POLM: variants seen among roughly 807,000 people sequenced by gnomAD.
POLM encodes the protein DNA-directed DNA/RNA polymerase mu.
A neutral mutation model predicts 56.7 loss-of-function variants in POLM; 52 were observed. The ratio of observed to expected loss-of-function variants is 0.92; its 90% CI spans 0.73 to 1.15. The LOEUF (loss-of-function observed/expected upper bound fraction) is 1.15. Ranked by LOEUF, POLM falls within the 50% of genes most tolerant of loss-of-function variation. The pLI, the probability that POLM is intolerant of heterozygous loss-of-function variation, is 0.00. For synonymous variants in POLM, 273 were observed against 274.3 expected (o/e 1.00, Z 0.05); for missense variants, 660 against 663.6 (o/e 0.99, Z 0.06).
rs1177880168 is a variant in POLM at position 44,080,756 on chromosome 7, C to T, written c.349G>A (p.Val117Met). The T allele has an allele frequency of 6.2e-7, 1 of 1,614,146 alleles. No individual in the cohort carries two copies. The highest frequency in any genetic ancestry group is 8.5e-7 in the Non-Finnish European group (1 of 1,180,020). Residue 117 changes from valine to methionine, a missense_variant, in exon 2 of 11, where the codon GTG becomes ATG. Val to Met is a conservative substitution (Grantham distance 21, BLOSUM62 1). Coordinates refer to ENST00000242248, the MANE Select transcript of POLM (RefSeq NM_013284.4). ...ESLGAGQPVP[V>M]ECRHRLEVAG... ...ACCTCCAGGCGGTGCCGGCACTCCACAGGTACAGGCTGCCCAGCTCCCAGG... is the reference window on the plus strand; with the variant it reads ...ACCTCCAGGCGGTGCCGGCACTCCATAGGTACAGGCTGCCCAGCTCCCAGG...
intron 1 of POLM, 148 bp from the exon 2 acceptor site, chr7:44,081,064 C>G: frequency 1.6e-6 from 1 of 631,958 alleles, no homozygotes; most frequent in Non-Finnish European, 2.7e-6. Context: ...CCTTCCCAGC[C>G]CCTCCTCCTG....
At chr7:44,081,500 G>A (rs930153810) in intron 1 of POLM, among the ~76,000 whole-genome samples, 2 of 152,174 alleles carry the variant, frequency 1.3e-5, no homozygotes, top group African/African-American at 2.4e-5. Context: ...GGGAATACTA[G>A]CCCCAGGTTC....
At chr7:44,082,530 T>TGGGC (rs1243710549), upstream of POLM, 1 of 1,360 alleles carries the variant, frequency 7.4e-4, no homozygotes. Context: ...CGGAAGCGGG[T>TGGGC]GGGCGGGCGG....
chr7:44,073,889 C>G lies in POLM; in HGVS notation c.1208G>C (p.Gly403Ala), dbSNP rs773716078. The G allele has an allele frequency of 1.9e-6, 3 of 1,614,246 alleles. No individual in the cohort carries two copies. Among genetic ancestry groups the G allele is most frequent in the Non-Finnish European group, 1.7e-6 (2 of 1,180,036 alleles). ...RLPQPPGAAV[G>A]GSTRPCPSWK... ...GGATGGGCAGGGCCTCGTGGATCCC[C>G]CCACAGCAGCCCCTGGAGGTTGTGG... The change falls in exon 9 of 11, where the codon GGG becomes GCG. Residue 403 changes from glycine (G) to alanine (A), a missense_variant. By Grantham distance (60) the Gly-to-Ala change is moderately conservative (BLOSUM62 0). Coordinates refer to ENST00000242248, the MANE Select transcript of POLM (RefSeq NM_013284.4).
intron 1 of POLM, among the ~76,000 whole-genome samples, chr7:44,081,841 G>A (rs1231973174): frequency 6.7e-6 from 1 of 149,720 alleles, no homozygotes; most frequent in Non-Finnish European, 1.5e-5. Context: ...CGCCTCCCAG[G>A]TTCATGCCAT....
intron 6 of POLM, among the ~76,000 whole-genome samples, chr7:44,075,073 G>C (rs534119614): frequency 1.3e-5 from 2 of 152,188 alleles, no homozygotes; most frequent in South Asian, 4.1e-4. Context: ...TATTTGAGAT[G>C]GAGTCTCGCT....
rs761595368 is a variant in POLM at position 44,082,388 on chromosome 7, G to C, written c.51C>G (p.Ala17=). The C allele has an allele frequency of 9.8e-6, 15 of 1,525,788 alleles. No homozygotes were observed. The highest frequency in any genetic ancestry group is 1.3e-5 in the Non-Finnish European group (15 of 1,145,458). 94.5% of individuals were successfully genotyped at this position (1,525,788 alleles called of 1,614,324 possible). The part of the protein sequence containing the change: ...RARVGSPSGD[A]ASSTPPSTRF... ...GCGTCGAGGGCGGCGTGGAGGAAGCGGCATCGCCGCTAGGGGACCCGACCC... is the reference window on the plus strand; with the variant it reads ...GCGTCGAGGGCGGCGTGGAGGAAGCCGCATCGCCGCTAGGGGACCCGACCC... Residue 17 remains alanine (A), a synonymous_variant, in exon 1 of 11, where the codon GCC becomes GCG. Transcript: ENST00000242248.
chr7:44,073,537 G>C, intron 10 of POLM, 88 bp downstream of exon 10: 2 of 1,601,558 alleles, frequency 1.2e-6, no homozygotes, highest in East Asian at 4.5e-5. Context: ...ATGGGTTTCA[G>C]GCTGGAGGGG....
rs1430491215 is a variant in POLM, at chr7:44,080,928, A to T, written c.189-12T>A. On this transcript the variant is annotated splice_polypyrimidine_tract_variant and intron_variant, in intron 1 of 10. Transcript: ENST00000242248. ...GTGTCGCTTCGGAGCTGGTGGAGGGAGTTGGGAGAGAAGGAGGAGGGTGAG... is the reference window on the plus strand; with the variant it reads ...GTGTCGCTTCGGAGCTGGTGGAGGGTGTTGGGAGAGAAGGAGGAGGGTGAG... 1.9e-6 allele frequency: 3 copies of T among 1,545,968 alleles called. No individual in the cohort carries two copies. In the East Asian group the frequency reaches 6.8e-5, roughly 35 times the overall value.
intron 10 of POLM, 122 bp downstream of exon 10, chr7:44,073,503 T>C (rs1397225161): frequency 5.0e-6 from 8 of 1,587,226 alleles, no homozygotes; most frequent in Non-Finnish European, 6.9e-6. Context: ...AGGAACTGTG[T>C]GTGGAGACCC....
At chr7:44,078,644 G>C in intron 5 of POLM, 96 bp downstream of exon 5, 1 of 1,133,394 alleles carries the variant, frequency 8.8e-7, no homozygotes, top group Non-Finnish European at 1.3e-6. Context: ...GGCTGGGTCA[G>C]CTGCCCCTGT....
chr7:44,078,025 C>T (rs935070937), intron 5 of POLM, among the ~76,000 whole-genome samples: 2 of 152,234 alleles, frequency 1.3e-5, no homozygotes, highest in Non-Finnish European at 2.9e-5. Context: ...AGGCTGACAA[C>T]ACTGAGAAAA....
In POLM at chr7:44,074,158, A is replaced by G. The variant is rs371151566; in HGVS notation, c.1044T>C (p.Pro348=). The G allele has an allele frequency of 5.9e-5, 95 of 1,604,096 alleles. No individual in the cohort carries two copies. The highest frequency in any genetic ancestry group is 5.8e-5 in the Non-Finnish European group (68 of 1,176,432). Residue 348 remains proline, a synonymous_variant, in exon 8 of 11, where the codon CCT becomes CCC. Coordinates refer to ENST00000242248, the MANE Select transcript of POLM (RefSeq NM_013284.4). Reference sequence around the variant, plus strand: ...GGTCCTGCAGGCGGCACATCACTCTAGGCAGCAGCCCCGCCTCCTGACCCT... The same window carrying G: ...GGTCCTGCAGGCGGCACATCACTCTGGGCAGCAGCCCCGCCTCCTGACCCT... The part of the protein sequence containing the change: ...PKEGQEAGLL[P]RVMCRLQDQG...
chr7:44,074,184 C>CCTTGGGG lies in POLM; in HGVS notation c.1011_1017dup (p.Glu340ProfsTer12). 3.1e-6 allele frequency: 5 copies of CCTTGGGG among 1,601,234 alleles called. No individual in the cohort carries two copies. The highest frequency in any genetic ancestry group is 4.3e-6 in the Non-Finnish European group (5 of 1,174,378). ...GGCAGCAGCCCCGCCTCCTGACCCTCCTTGGGGTGGGTGATGAGGAAGTCC... is the reference window on the plus strand; with the variant it reads ...GGCAGCAGCCCCGCCTCCTGACCCTCCTTGGGGCTTGGGGTGGGTGATGAGGAAGTCC... On this transcript the variant is annotated frameshift_variant, in exon 8 of 11. Transcript: ENST00000242248. LOFTEE classifies it high-confidence loss of function.
intron 5 of POLM, among the ~76,000 whole-genome samples, chr7:44,077,374 C>A (rs1203387557): frequency 6.6e-6 from 1 of 152,250 alleles, no homozygotes; most frequent in East Asian, 1.9e-4. Context: ...GTCCTGCAGA[C>A]CGGCCACAGC....
chr7:44,080,638 T>G (rs2096197066), intron 2 of POLM, 95 bp downstream of exon 2: 2 of 1,294,584 alleles, frequency 1.5e-6, no homozygotes, highest in Non-Finnish European at 2.2e-6. Context: ...TGAAGGACAT[T>G]GAGGCATTGC....
chr7:44,074,048 C>G, intron 8 of POLM, 23 bp from the exon 9 acceptor site: 1 of 1,610,752 alleles, frequency 6.2e-7, no homozygotes, highest in Non-Finnish European at 8.5e-7. Context: ...GCGGGCGTGG[C>G]TGAGACCATC....
In POLM at chr7:44,072,755, G is replaced by C; in HGVS notation, c.*536C>G. On this transcript the variant is annotated 3_prime_UTR_variant, in exon 11 of 11. Transcript: ENST00000242248. ...TTATCTTCCTCCCAGCTCCTACCCA[G>C]GCCCTCTCCCTCTCCAGATGCCTAC... The C allele has an allele frequency of 3.8e-6, 1 of 262,474 alleles. No homozygotes were observed. Among genetic ancestry groups the C allele is most frequent in the Non-Finnish European group, 7.2e-6 (1 of 138,588 alleles). The allele number at this position is 262,474 out of a possible 1,614,324, so 16.3% of individuals were successfully genotyped here. A position where few individuals can be genotyped will look rare whatever the true frequency, so the allele number is the denominator to read the frequency against.
intron 7 of POLM, 80 bp downstream of exon 7, chr7:44,074,318 G>A (rs2096177389): frequency 3.9e-6 from 6 of 1,541,950 alleles, no homozygotes; most frequent in Admixed American, 2.0e-5. Flanking sequence ...GAGTGGGCCC[G>A]CTTCAGGGTC....
Sources: allele counts gnomAD v4.1 joint callset (sites outside exome capture counted in the v4.1 genomes callset), GRCh38; gene constraint gnomAD v4.1.1; transcripts MANE v1.5; gene names NCBI Gene and HGNC (gene_info 2026-07-23, HGNC 2026-07-21).